ESRRG: variants seen among roughly 807,000 people sequenced by gnomAD.
ESRRG encodes estrogen-related receptor gamma.
Under a neutral mutation model 44.0 loss-of-function variants are expected in ESRRG, and 13 were observed. That is an observed-to-expected ratio of 0.30 (90% CI 0.19 to 0.47). The LOEUF (loss-of-function observed/expected upper bound fraction) is 0.47, where lower values mean the gene tolerates loss of function less well. Among genes scored for constraint, ESRRG ranks in the 20% least tolerant of loss-of-function variants. ESRRG has a pLI of 1.00. For missense variants in ESRRG, 395 were observed against 580.6 expected, an observed-to-expected ratio of 0.68 and a Z score of 3.29; for synonymous variants, 215 against 214.6, an observed-to-expected ratio of 1.00 and a Z score of -0.02.
At chr1:217,007,384 A>AG (rs34955824) in intron 1 of ESRRG, among the ~76,000 whole-genome samples, 55,349 of 151,868 alleles carry the variant, frequency 0.36, 12,652 homozygotes, top group African/African-American at 0.64. Flanking sequence ...CTTCTTCCAA[A>AG]GGGGGAAAAG....
chr1:216,624,458 A>T (rs1294656867), intron 3 of ESRRG, among the ~76,000 whole-genome samples: 1 of 152,224 alleles, frequency 6.6e-6, no homozygotes, highest in African/African-American at 2.4e-5. Flanking sequence ...ACTCTAAAAA[A>T]GTGTCATGAG....
intron 3 of ESRRG, among the ~76,000 whole-genome samples, chr1:216,639,075 A>C (rs1036520973): frequency 6.6e-6 from 1 of 152,186 alleles, no homozygotes; most frequent in African/African-American, 2.4e-5. Flanking sequence ...TAATGTTGAT[A>C]CTGAAGAACC....
intron 1 of ESRRG, 43 bp from the exon 2 acceptor site, chr1:216,677,534 G>T (rs764778898): frequency 6.6e-7 from 1 of 1,521,862 alleles, no homozygotes; most frequent in Non-Finnish European, 8.9e-7. Context: ...AGAGGAGAGA[G>T]TGTCAAGCAC....
At chr1:216,901,006 C>T (rs1024559497) in intron 2 of ESRRG, among the ~76,000 whole-genome samples, 4 of 152,156 alleles carry the variant, frequency 2.6e-5, no homozygotes, top group African/African-American at 4.8e-5. Flanking sequence ...CCAGAGGAAA[C>T]TAAGGCTAGA....
chr1:216,631,495 C>T (rs958932031), intron 3 of ESRRG, among the ~76,000 whole-genome samples: 15 of 152,066 alleles, frequency 9.9e-5, no homozygotes, highest in African/African-American at 3.6e-4. Context: ...AATAATTATT[C>T]TTGTGTTATG....
chr1:216,827,651 T>C lies in ESRRG; in HGVS notation c.-14+111931A>G, dbSNP rs529279877. On this transcript the variant is annotated intron_variant, in intron 2 of 7. Transcript: ENST00000359162. ...CTTAAATTGACAGTTTGTATACGTA[T>C]TCTATCTCACGAATTGGTCAAATGT... Among the ~76,000 whole-genome samples, 20 of 152,320 alleles carry C rather than the reference T, an allele frequency of 1.3e-4. No individual in the cohort carries two copies. The South Asian group carries it at 3.7e-3, about 28-fold the overall frequency.
chr1:216,709,168 A>G (rs1239673894), intron 1 of ESRRG, among the ~76,000 whole-genome samples: 1 of 152,226 alleles, frequency 6.6e-6, no homozygotes, highest in East Asian at 1.9e-4. Flanking sequence ...TACCTATGTA[A>G]CAAAACTGCA....
intron 1 of ESRRG, among the ~76,000 whole-genome samples, chr1:216,679,699 A>AT (rs150997989): frequency 0.028 from 4,112 of 146,712 alleles, 188 homozygotes; most frequent in African/African-American, 0.098. Context: ...CTCTTTTTAA[A>AT]TTTTTTTTCC....
intron 2 of ESRRG, among the ~76,000 whole-genome samples, chr1:216,912,955 C>T (rs1273747800): frequency 1.3e-5 from 2 of 151,698 alleles, no homozygotes; most frequent in Admixed American, 6.6e-5. Flanking sequence ...AACCTCGTCT[C>T]TACTAAAAAT....
At chr1:216,856,047 T>C (rs779478208) in intron 2 of ESRRG, among the ~76,000 whole-genome samples, 1 of 151,672 alleles carries the variant, frequency 6.6e-6, no homozygotes, top group African/African-American at 2.4e-5. Flanking sequence ...GGTGACCTAC[T>C]ACCTGGGGCA....
intron 3 of ESRRG, among the ~76,000 whole-genome samples, chr1:216,629,359 A>G (rs2063726519): frequency 1.3e-5 from 2 of 152,352 alleles, no homozygotes; most frequent in South Asian, 2.1e-4. Flanking sequence ...TTAAGCATAA[A>G]GTATAAAAGC....
intron 2 of ESRRG, among the ~76,000 whole-genome samples, chr1:216,784,459 C>T (rs1047946207): frequency 6.6e-6 from 1 of 151,950 alleles, no homozygotes; most frequent in Admixed American, 6.6e-5. Flanking sequence ...ACACAACATA[C>T]ACAATCTAGA....
At chr1:217,030,671 G>A (rs1404911023) in intron 1 of ESRRG, among the ~76,000 whole-genome samples, 1 of 152,192 alleles carries the variant, frequency 6.6e-6, no homozygotes, top group African/African-American at 2.4e-5. Flanking sequence ...TAAAGGAGAT[G>A]GGCTGAGCAT....
At chr1:216,838,403 C>T (rs990708923) in intron 2 of ESRRG, among the ~76,000 whole-genome samples, 1 of 152,084 alleles carries the variant, frequency 6.6e-6, no homozygotes. Flanking sequence ...TCATTTTTCC[C>T]TGGTTTTGAT....
chr1:216,892,663 G>C (rs1241651995), intron 2 of ESRRG, among the ~76,000 whole-genome samples: 3 of 152,186 alleles, frequency 2.0e-5, no homozygotes, highest in Non-Finnish European at 4.4e-5. Flanking sequence ...AGAAGGCAAA[G>C]AAAGTAGGGA....
At chr1:216,790,474 C>T (rs1323614917) in intron 2 of ESRRG, among the ~76,000 whole-genome samples, 1 of 152,040 alleles carries the variant, frequency 6.6e-6, no homozygotes. Flanking sequence ...AAGGAAAGAA[C>T]AATTCCTTCT....
At chr1:216,716,680 A>G (rs976032420) in intron 1 of ESRRG, among the ~76,000 whole-genome samples, 16 of 151,972 alleles carry the variant, frequency 1.1e-4, no homozygotes, top group Non-Finnish European at 5.9e-5. Context: ...ATTAAAATAT[A>G]AATGTACTTT....
intron 2 of ESRRG, among the ~76,000 whole-genome samples, chr1:216,902,083 G>T (rs914940584): frequency 1.3e-5 from 2 of 152,110 alleles, no homozygotes; most frequent in African/African-American, 4.8e-5. Context: ...TCATCTACAT[G>T]ATCTTCTCAA....
At chr1:217,052,598 C>T (rs907659836) in intron 1 of ESRRG, among the ~76,000 whole-genome samples, 16 of 152,176 alleles carry the variant, frequency 1.1e-4, no homozygotes, top group Non-Finnish European at 2.1e-4. Context: ...GACAGAATAT[C>T]CAAGAGTTCT....
Sources: allele counts gnomAD v4.1 joint callset (sites outside exome capture counted in the v4.1 genomes callset), GRCh38; gene constraint gnomAD v4.1.1; transcripts MANE v1.5; gene names NCBI Gene and HGNC (gene_info 2026-07-23, HGNC 2026-07-21).